DEPDC7: variants seen among roughly 807,000 people sequenced by gnomAD.
DEPDC7 encodes the protein DEP domain-containing protein 7.
Under a neutral mutation model 56.6 loss-of-function variants are expected in DEPDC7, and 41 were observed. The observed-to-expected ratio is 0.72, with a 90% CI of 0.56 to 0.94. The LOEUF is 0.94. Among genes scored for constraint, DEPDC7 ranks in the 40% least tolerant of loss-of-function variants. The pLI is 0.00. For missense variants in DEPDC7, 522 were observed against 596.3 expected (o/e 0.88, Z 1.30); for synonymous variants, 185 against 208.8 (o/e 0.89, Z 0.98).
At chr11:33,032,573 A>C in intron 6 of DEPDC7, 95 bp downstream of exon 6, 2 of 1,367,842 alleles carry the variant, frequency 1.5e-6, no homozygotes, top group Non-Finnish European at 2.0e-6. Context: ...AAGTATGCTG[A>C]AATGTATAAT....
chr11:33,025,638 C>CT (rs1564964314), intron 1 of DEPDC7, 21 bp from the exon 2 acceptor site: 15 of 1,584,778 alleles, frequency 9.5e-6, no homozygotes, highest in Non-Finnish European at 1.2e-5. Flanking sequence ...CCCAGTTTCT[C>CT]TATGATTTTT....
intron 1 of DEPDC7, among the ~76,000 whole-genome samples, chr11:33,021,231 C>T (rs1225917922): frequency 6.9e-6 from 1 of 144,528 alleles, no homozygotes; most frequent in Non-Finnish European, 1.5e-5. Flanking sequence ...AGCCTGGCGA[C>T]AGAGTGAGAC....
chr11:33,015,881 G>C lies in DEPDC7; in HGVS notation c.-75G>C. 6.9e-7 allele frequency: 1 copy of C among 1,447,244 alleles called. No homozygotes were observed. The highest frequency in any genetic ancestry group is 9.3e-7 in the Non-Finnish European group (1 of 1,070,556). The allele number at this position is 1,447,244 out of a possible 1,614,324, so 89.7% of individuals were successfully genotyped here. Reference sequence around the variant, plus strand: ...CCTGCAGGGAGCCACGCCCCGCACAGTTAACAGACGGGCGCTCAGGGAGCT... The same window carrying C: ...CCTGCAGGGAGCCACGCCCCGCACACTTAACAGACGGGCGCTCAGGGAGCT... On this transcript the variant is annotated 5_prime_UTR_variant, in exon 1 of 9. Transcript: ENST00000241051.
In DEPDC7 at chr11:33,031,387, G is replaced by A. The variant is rs1853630881; in HGVS notation, c.792G>A (p.Glu264=). The part of the protein sequence containing the change: ...LKAYSDSQED[E]WLSAAIDCLE... ...CCCCTCTCCCCTATAGGGAAGATGAGTGGCTCTCGGCAGCAATTGACTGTT... is the reference window on the plus strand; with the variant it reads ...CCCCTCTCCCCTATAGGGAAGATGAATGGCTCTCGGCAGCAATTGACTGTT... The change falls in exon 5 of 9, where the codon GAG becomes GAA. Residue 264 remains glutamate (E), a synonymous_variant. Transcript: ENST00000241051. 1 of 1,613,978 alleles carries A rather than the reference G, an allele frequency of 6.2e-7. No homozygotes were observed.
intron 1 of DEPDC7, among the ~76,000 whole-genome samples, chr11:33,021,228 C>T (rs528201841): frequency 6.9e-6 from 1 of 144,940 alleles, no homozygotes; most frequent in African/African-American, 2.6e-5. Flanking sequence ...TCCAGCCTGG[C>T]GACAGAGTGA....
intron 1 of DEPDC7, among the ~76,000 whole-genome samples, chr11:33,018,478 G>T (rs1024512528): frequency 2.6e-5 from 4 of 152,070 alleles, no homozygotes; most frequent in African/African-American, 9.7e-5. Flanking sequence ...TAAATCCTCT[G>T]GTATGTGTCA....
intron 5 of DEPDC7, 150 bp from the exon 6 acceptor site, chr11:33,032,186 C>T: frequency 1.5e-6 from 1 of 685,418 alleles, no homozygotes. Context: ...ATGGTATTCA[C>T]CATTCATTGT....
At chr11:33,027,348 A>G (rs192667957) in intron 2 of DEPDC7, among the ~76,000 whole-genome samples, 142 of 152,290 alleles carry the variant, frequency 9.3e-4, no homozygotes, top group Non-Finnish European at 1.7e-3. Flanking sequence ...TTAGAAAACG[A>G]TAAGTACTGT....
At chr11:33,028,265 G>A in intron 3 of DEPDC7, 1 of 216,666 alleles carries the variant, frequency 4.6e-6, no homozygotes, top group South Asian at 1.6e-4. Flanking sequence ...GGAATAATCT[G>A]CAACCAATAG....
In DEPDC7 at chr11:33,031,572, G is replaced by A. The variant is rs1853634007; in HGVS notation, c.977G>A (p.Gly326Glu). 1.2e-6 allele frequency: 2 copies of A among 1,612,932 alleles called. No homozygotes were observed. Among genetic ancestry groups the A allele is most frequent in the African/African-American group, 2.7e-5 (2 of 74,908 alleles). ...AATCACTTATCTGACGTTCATAATG[G>A]AATTGCAGAACTCTTAGGTAAGTAA... ...LLNHLSDVHN[G>E]IAELLVNGKT... Residue 326 changes from glycine to glutamate, a missense_variant, in exon 5 of 9, where the codon GGA becomes GAA. Transcript: ENST00000241051.
intron 1 of DEPDC7, among the ~76,000 whole-genome samples, chr11:33,024,802 C>CTGTGTGTGTGTGTGTG (rs35371602): frequency 1.4e-5 from 2 of 146,398 alleles, no homozygotes; most frequent in Admixed American, 6.9e-5. Context: ...ATGCATGACT[C>CTGTGTGTGTGTGTGTG]TGTGTGTGTG....
At position 33,028,747 on chromosome 11, in the gene DEPDC7, G is replaced by GT; in HGVS notation, c.738dup (p.Asn247Ter). ...AGGCAGTCCACCATGGTCAACAGCA[G>GT]TAACTATCTGGATCGAGGGATTCTC... On this transcript the variant is annotated frameshift_variant, in exon 4 of 9. Coordinates refer to ENST00000241051, the MANE Select transcript of DEPDC7 (RefSeq NM_001077242.2). LOFTEE classifies it high-confidence loss of function. 6.2e-7 allele frequency: 1 copy of GT among 1,613,590 alleles called. No individual in the cohort carries two copies. The highest frequency in any genetic ancestry group is 8.5e-7 in the Non-Finnish European group (1 of 1,179,928).
chr11:33,029,967 A>T (rs1853615300), intron 4 of DEPDC7, among the ~76,000 whole-genome samples: 1 of 148,398 alleles, frequency 6.7e-6, no homozygotes. Context: ...TAATTACTAA[A>T]TTTTTTTTTT....
chr11:33,022,207 T>G (rs1201121477), intron 1 of DEPDC7, among the ~76,000 whole-genome samples: 1 of 152,234 alleles, frequency 6.6e-6, no homozygotes, highest in African/African-American at 2.4e-5. Flanking sequence ...ATTACAGAAT[T>G]TATGATATCC....
intron 4 of DEPDC7, among the ~76,000 whole-genome samples, chr11:33,030,452 C>A (rs1251020226): frequency 6.6e-6 from 1 of 150,860 alleles, no homozygotes; most frequent in South Asian, 2.1e-4. Flanking sequence ...TGCTTTTTAA[C>A]GATAGATAGA....
At chr11:33,024,325 C>A (rs1158724839) in intron 1 of DEPDC7, among the ~76,000 whole-genome samples, 1 of 152,162 alleles carries the variant, frequency 6.6e-6, no homozygotes, top group Non-Finnish European at 1.5e-5. Flanking sequence ...GGGCAGGAAC[C>A]AAATTGTTAC....
chr11:33,018,925 A>G (rs150570365), intron 1 of DEPDC7, among the ~76,000 whole-genome samples: 2 of 152,206 alleles, frequency 1.3e-5, no homozygotes, highest in Non-Finnish European at 2.9e-5. Context: ...TGCGAGACAC[A>G]TTAACATATT....
intron 4 of DEPDC7, among the ~76,000 whole-genome samples, chr11:33,029,525 C>G (rs892139659): frequency 6.6e-6 from 1 of 150,484 alleles, no homozygotes; most frequent in Non-Finnish European, 1.5e-5. Flanking sequence ...AAGTAACTCT[C>G]TCATTCCAGT....
At chr11:33,021,629 T>C (rs1251978352) in intron 1 of DEPDC7, among the ~76,000 whole-genome samples, 1 of 152,218 alleles carries the variant, frequency 6.6e-6, no homozygotes, top group Non-Finnish European at 1.5e-5. Flanking sequence ...ACATTGTGTA[T>C]GAAAGCATCT....
Sources: gnomAD v4.1 joint callset for allele counts (sites outside exome capture counted in the v4.1 genomes callset) on GRCh38, gnomAD v4.1.1 for gene constraint, MANE v1.5 for transcripts, NCBI Gene and HGNC (gene_info 2026-07-23, HGNC 2026-07-21) for gene names.